The following IQGAP2 variants were observed in gnomAD, a reference collection of about 807,000 sequenced individuals.
IQGAP2 encodes the protein ras GTPase-activating-like protein IQGAP2.
In IQGAP2, 173 loss-of-function variants were observed where a neutral mutation model predicts 201.3. That is an observed-to-expected ratio of 0.86 (90% CI 0.76 to 0.98). The LOEUF is 0.98. Among genes scored for constraint, IQGAP2 ranks in the 50% least tolerant of loss-of-function variants. The pLI is 0.00. For synonymous variants in IQGAP2, 675 were observed against 673.9 expected (o/e 1.00, Z -0.03); for missense variants, 1,687 against 1,864.8 (o/e 0.90, Z 1.76).
At chr5:76,407,031 T>G (rs112381426) in intron 1 of IQGAP2, among the ~76,000 whole-genome samples, 5,757 of 152,100 alleles carry the variant, frequency 0.038, 372 homozygotes, top group African/African-American at 0.13. Context: ...CAGGCTGGAG[T>G]GCAGTGGTGC....
intron 13 of IQGAP2, among the ~76,000 whole-genome samples, chr5:76,625,574 G>A (rs891632320): frequency 6.6e-6 from 1 of 152,178 alleles, no homozygotes; most frequent in Non-Finnish European, 1.5e-5. Context: ...AGCTAGAGGT[G>A]ATTGTGGAAG....
chr5:76,667,648 G>A (rs760028644), intron 22 of IQGAP2, among the ~76,000 whole-genome samples: 1 of 152,012 alleles, frequency 6.6e-6, no homozygotes, highest in Non-Finnish European at 1.5e-5. Context: ...TTTGCTCATG[G>A]TCTTCTGGCA....
intron 28 of IQGAP2, among the ~76,000 whole-genome samples, chr5:76,678,356 C>T (rs942434694): frequency 1.3e-5 from 2 of 151,714 alleles, no homozygotes; most frequent in Non-Finnish European, 2.9e-5. Flanking sequence ...CTGTTGGGTG[C>T]AGGGCACTGT....
chr5:76,695,915 T>C (rs1746694929), intron 32 of IQGAP2, among the ~76,000 whole-genome samples: 1 of 138,466 alleles, frequency 7.2e-6, no homozygotes, highest in African/African-American at 2.7e-5. Context: ...ATCTCGACTC[T>C]CTGCAACTTC....
intron 9 of IQGAP2, among the ~76,000 whole-genome samples, chr5:76,596,903 G>A (rs368439827): frequency 7.2e-4 from 109 of 152,300 alleles, no homozygotes; most frequent in Middle Eastern, 3.4e-3. Context: ...CAATATGTCC[G>A]AGTGCTTGCT....
At chr5:76,449,484 T>C (rs1332884588) in intron 1 of IQGAP2, among the ~76,000 whole-genome samples, 3 of 152,212 alleles carry the variant, frequency 2.0e-5, no homozygotes, top group Non-Finnish European at 2.9e-5. Context: ...CCCTTTTCTC[T>C]ACCCATGAAG....
At chr5:76,529,644 T>C (rs1759169990) in intron 2 of IQGAP2, among the ~76,000 whole-genome samples, 1 of 132,896 alleles carries the variant, frequency 7.5e-6, no homozygotes, top group African/African-American at 3.6e-5. Context: ...ATAATAATAA[T>C]AATAATAATA....
Position 76,550,608 on chromosome 5 carries a change from G to A in IQGAP2, c.147-11788G>A, listed in dbSNP as rs368131546. Among the ~76,000 whole-genome samples the A allele has an allele frequency of 1.2e-4, 18 of 152,198 alleles. No individual in the cohort carries two copies. The East Asian group carries it at 2.7e-3, about 23-fold the overall frequency. ...TGTTTAACAAAGCACATCTTGCACC[G>A]CCCTTAATCCGTTTAACTCTGAGTG... On this transcript the variant is annotated intron_variant, in intron 2 of 35. Coordinates refer to ENST00000274364, the MANE Select transcript of IQGAP2 (RefSeq NM_006633.5).
intron 17 of IQGAP2, among the ~76,000 whole-genome samples, chr5:76,646,291 G>A (rs936017010): frequency 2.6e-5 from 4 of 152,158 alleles, no homozygotes; most frequent in African/African-American, 9.7e-5. Flanking sequence ...TCTCAGAATT[G>A]TCACACTGTG....
At chr5:76,655,217 C>A (rs946866899) in intron 20 of IQGAP2, among the ~76,000 whole-genome samples, 2 of 151,966 alleles carry the variant, frequency 1.3e-5, no homozygotes, top group Non-Finnish European at 2.9e-5. Flanking sequence ...TGGAAGGGAT[C>A]AGCCACATGG....
chr5:76,548,186 C>G (rs1229441215), intron 2 of IQGAP2, among the ~76,000 whole-genome samples: 1 of 152,156 alleles, frequency 6.6e-6, no homozygotes, highest in Non-Finnish European at 1.5e-5. Flanking sequence ...GAAATTGTGG[C>G]CCAGAGAGAT....
chr5:76,517,200 G>T (rs530397769), intron 2 of IQGAP2, among the ~76,000 whole-genome samples: 1 of 152,166 alleles, frequency 6.6e-6, no homozygotes, highest in East Asian at 1.9e-4. Flanking sequence ...GATCTCATAT[G>T]CCATAGTTCA....
At chr5:76,565,669 A>G (rs1412968136) in intron 3 of IQGAP2, among the ~76,000 whole-genome samples, 1 of 152,194 alleles carries the variant, frequency 6.6e-6, no homozygotes, top group Admixed American at 6.5e-5. Flanking sequence ...GCAGGGTCTT[A>G]TCCACAGTAG....
intron 2 of IQGAP2, among the ~76,000 whole-genome samples, chr5:76,468,314 G>A (rs976453225): frequency 1.3e-5 from 2 of 152,094 alleles, no homozygotes; most frequent in Admixed American, 6.5e-5. Context: ...AACAAGCCTA[G>A]GAGGGTTGTT....
At chr5:76,443,900 A>G (rs1337137377) in intron 1 of IQGAP2, among the ~76,000 whole-genome samples, 1 of 152,124 alleles carries the variant, frequency 6.6e-6, no homozygotes. Flanking sequence ...ACATTGGTAT[A>G]TTTTTTGCTT....
rs5868837 is a variant in IQGAP2 at position 76,707,478 on chromosome 5, AT to A, written c.*168del. The A allele has an allele frequency of 3.0e-3, 1,792 of 596,016 alleles. 28 individuals carry two copies. The African/African-American group carries it at 0.03, about 10-fold the overall frequency. The allele number at this position is 596,016 out of a possible 1,614,324, so 36.9% of individuals were successfully genotyped here. A position where few individuals can be genotyped will look rare whatever the true frequency, so the allele number is the denominator to read the frequency against. On this transcript the variant is annotated 3_prime_UTR_variant, in exon 36 of 36. Coordinates refer to ENST00000274364, the MANE Select transcript of IQGAP2 (RefSeq NM_006633.5). ...AATGTACCCAGGTGCCTTTTTGCTA[AT>A]TTGATACTATAATAGAATGAGACAT... is the stretch of plus-strand genomic sequence containing the variant.
rs182213797 is a variant in IQGAP2 at position 76,480,598 on chromosome 5, T to C, written c.146+18929T>C. On this transcript the variant is annotated intron_variant, in intron 2 of 35. Transcript: ENST00000274364. ...GGAAGCTCAGTGTTTTTGTGTCTCA[T>C]ATACATAGGCAACTTCCATATTATT... Among the ~76,000 whole-genome samples the C allele has an allele frequency of 6.6e-5, 10 of 152,346 alleles. No homozygotes were observed. The East Asian group carries it at 1.5e-3, about 24-fold the overall frequency.
intron 1 of IQGAP2, among the ~76,000 whole-genome samples, chr5:76,410,008 A>G (rs927990781): frequency 1.5e-4 from 23 of 152,236 alleles, no homozygotes; most frequent in African/African-American, 5.5e-4. Flanking sequence ...GGTTCCTGGC[A>G]CATAGTGCTA....
chr5:76,594,930 C>T (rs114568769), intron 9 of IQGAP2, among the ~76,000 whole-genome samples: 2,192 of 151,560 alleles, frequency 0.014, 26 homozygotes, highest in South Asian at 0.077. Context: ...TGCGCCACTA[C>T]ACTCCAGCCT....
Sources: gnomAD v4.1 joint callset for allele counts (sites outside exome capture counted in the v4.1 genomes callset) on GRCh38, gnomAD v4.1.1 for gene constraint, MANE v1.5 for transcripts, NCBI Gene and HGNC (gene_info 2026-07-23, HGNC 2026-07-21) for gene names.